The following ADGRA3 variants were observed in gnomAD, a reference collection of about 807,000 sequenced individuals.
ADGRA3 encodes the protein adhesion G protein-coupled receptor A3.
In ADGRA3, 56 loss-of-function variants were observed where a neutral mutation model predicts 119.8. The observed-to-expected ratio is 0.47, with a 90% confidence interval of 0.38 to 0.58. ADGRA3 has a LOEUF of 0.58. ADGRA3 is among the 20% of genes least tolerant of loss of function. The pLI, the probability that ADGRA3 is intolerant of heterozygous loss-of-function variation, is 0.00. For synonymous variants in ADGRA3, 607 were observed against 623.8 expected, an observed-to-expected ratio of 0.97 and a Z score of 0.40; for missense variants, 1,516 against 1,649.0, an observed-to-expected ratio of 0.92 and a Z score of 1.40.
In ADGRA3 at chr4:22,413,859, A is replaced by T. The variant is rs529276517; in HGVS notation, c.1810-45T>A. The T allele has an allele frequency of 3.3e-4, 430 of 1,304,986 alleles. 8 individuals are homozygous for T. In the South Asian group the frequency reaches 5.9e-3, roughly 18 times the overall value. The allele number at this position is 1,304,986 out of a possible 1,614,324, so 80.8% of individuals were successfully genotyped here. ...TAAAAAAAGCTCACTACATTAGTAC[A>T]TAGAAACCAGAAAAAAATATGTCAG... On this transcript the variant is annotated intron_variant, in intron 12 of 18. Coordinates refer to ENST00000334304, the MANE Select transcript of ADGRA3 (RefSeq NM_145290.4).
intron 1 of ADGRA3, among the ~76,000 whole-genome samples, chr4:22,484,639 C>T (rs77265768): frequency 0.023 from 3,370 of 148,224 alleles, 87 homozygotes; most frequent in Admixed American, 0.055. Context: ...CAGCTTTGTA[C>T]TAAAATGATA....
Position 22,461,730 on chromosome 4 carries a change from CACTT to C in ADGRA3, c.401+3_401+6del. 1.3e-6 allele frequency: 2 copies of C among 1,586,158 alleles called. No individual in the cohort carries two copies. Among genetic ancestry groups the C allele is most frequent in the Non-Finnish European group, 8.6e-7 (1 of 1,159,496 alleles). ...CAAACTCGTAAGCAAGCAATTCAAA[CACTT>C]ACAATCTTTTTAGAGATGACAGTCC... On this transcript the variant is annotated splice_donor_5th_base_variant and intron_variant, in intron 3 of 18. Transcript: ENST00000334304.
At chr4:22,459,830 T>C (rs1453424923) in intron 3 of ADGRA3, among the ~76,000 whole-genome samples, 1 of 152,202 alleles carries the variant, frequency 6.6e-6, no homozygotes, top group East Asian at 1.9e-4. Context: ...TCCTTATTGC[T>C]ATCAGGAATA....
chr4:22,514,296 G>A (rs894121599), intron 1 of ADGRA3, among the ~76,000 whole-genome samples: 1 of 152,048 alleles, frequency 6.6e-6, no homozygotes. Flanking sequence ...ACCACCACAT[G>A]GTAACGTGTT....
chr4:22,393,569 G>T (rs1347540788), intron 16 of ADGRA3: 3 of 152,130 alleles, frequency 2.0e-5, no homozygotes, highest in African/African-American at 7.2e-5. Flanking sequence ...CTTACCTGCT[G>T]GGTGATCTGA....
At chr4:22,418,563 G>A (rs1489051464) in intron 12 of ADGRA3, among the ~76,000 whole-genome samples, 3 of 152,074 alleles carry the variant, frequency 2.0e-5, no homozygotes, top group Non-Finnish European at 4.4e-5. Flanking sequence ...GTTTGCTGTT[G>A]CTGGATAAAA....
intron 1 of ADGRA3, among the ~76,000 whole-genome samples, chr4:22,512,090 G>A (rs532465189): frequency 1.3e-5 from 2 of 151,582 alleles, no homozygotes; most frequent in Non-Finnish European, 2.9e-5. Context: ...TAGTAGAGAT[G>A]GGGTTTCATC....
At chr4:22,443,559 T>TA (rs1343484805) in intron 6 of ADGRA3, among the ~76,000 whole-genome samples, 2 of 152,138 alleles carry the variant, frequency 1.3e-5, no homozygotes, top group Non-Finnish European at 2.9e-5. Flanking sequence ...GTCCTTCCAT[T>TA]ATTTATGAAG....
chr4:22,428,260 C>G lies in ADGRA3; in HGVS notation c.1444-3908G>C, dbSNP rs114842823. The stretch of plus-strand genomic sequence containing the variant: ...CAAGTTTAGATGTCCCTGAGCAAAT[C>G]AGCCTCTGTGAGACTCAGTTTACTC... On this transcript the variant is annotated intron_variant, in intron 10 of 18. Transcript: ENST00000334304. 3.9e-3 allele frequency among the ~76,000 whole-genome samples: 590 copies of G among 151,856 alleles called. 2 individuals carry two copies. The highest frequency in any genetic ancestry group is 0.014 in the African/African-American group (562 of 41,408).
intron 8 of ADGRA3, among the ~76,000 whole-genome samples, chr4:22,437,954 T>C (rs1339863774): frequency 6.6e-6 from 1 of 152,222 alleles, no homozygotes; most frequent in African/African-American, 2.4e-5. Flanking sequence ...TTGAATTTTG[T>C]ACTCTTTTAC....
chr4:22,473,358 A>G (rs59796925), intron 2 of ADGRA3: 4,914 of 156,308 alleles, frequency 0.031, 266 homozygotes, highest in African/African-American at 0.11. Context: ...ATTTCAACAC[A>G]GCATCAATGC....
At chr4:22,471,583 C>T (rs959057640) in intron 2 of ADGRA3, among the ~76,000 whole-genome samples, 1 of 152,190 alleles carries the variant, frequency 6.6e-6, no homozygotes, top group Non-Finnish European at 1.5e-5. Context: ...CACTGTCAGA[C>T]TGAGGCCAGG....
chr4:22,460,524 T>C (rs771907674), intron 3 of ADGRA3, among the ~76,000 whole-genome samples: 20 of 152,202 alleles, frequency 1.3e-4, no homozygotes, highest in Non-Finnish European at 1.9e-4. Context: ...CTGGACTTTA[T>C]CTACCATTAG....
intron 8 of ADGRA3, 118 bp from the exon 9 acceptor site, chr4:22,436,759 C>T (rs1716412821): frequency 2.5e-6 from 2 of 810,004 alleles, no homozygotes; most frequent in South Asian, 1.7e-5. Context: ...AACCCTGACA[C>T]GGGTCATCAA....
rs183684420 is a variant in ADGRA3 at position 22,458,262 on chromosome 4, G to A, written c.402-3325C>T. Among the ~76,000 whole-genome samples the A allele has an allele frequency of 1.4e-3, 211 of 152,268 alleles. 2 individuals are homozygous for A. The highest frequency in any genetic ancestry group is 1.5e-4 in the Non-Finnish European group (10 of 68,022). On this transcript the variant is annotated intron_variant, in intron 3 of 18. Coordinates refer to ENST00000334304, the MANE Select transcript of ADGRA3 (RefSeq NM_145290.4). ...ACTCCAGCACAGACAGAAGCACAAA[G>A]AAAGTGAGTCACTGCTATAAATCAT...
intron 10 of ADGRA3, among the ~76,000 whole-genome samples, chr4:22,432,667 C>A (rs1402177649): frequency 6.6e-6 from 1 of 152,144 alleles, no homozygotes; most frequent in East Asian, 1.9e-4. Flanking sequence ...AGAAAAATCA[C>A]TTTAGTAAAT....
At chr4:22,463,901 G>A (rs911745847) in intron 2 of ADGRA3, among the ~76,000 whole-genome samples, 5 of 152,138 alleles carry the variant, frequency 3.3e-5, no homozygotes, top group Non-Finnish European at 5.9e-5. Context: ...GATAGAGACT[G>A]GACTAGAAAT....
chr4:22,473,897 A>G, intron 1 of ADGRA3, 54 bp from the exon 2 acceptor site: 1 of 1,055,502 alleles, frequency 9.5e-7, no homozygotes, highest in South Asian at 1.5e-5. Flanking sequence ...CCAATATCAA[A>G]GTAATTTAGC....
rs1159227390 is a variant in ADGRA3, at chr4:22,413,744, C to T, written c.1880G>A (p.Arg627Lys). Residue 627 changes from arginine to lysine, a missense_variant, in exon 13 of 19, where the codon AGA (arginine) becomes AAA (lysine). Physicochemically the swap from Arg to Lys is conservative, Grantham distance 26 (BLOSUM62 2). Transcript: ENST00000334304. ...LFSPKQKREL[R>K]PTDDSLYKLQ... The stretch of plus-strand genomic sequence containing the variant: ...CTTGTAAAGAGAGTCATCAGTTGGT[C>T]TGAGTTCTCTTTTTTGCTTTGGTGA... 6.2e-7 allele frequency: 1 copy of T among 1,613,698 alleles called. No individual in the cohort carries two copies. The highest frequency in any genetic ancestry group is 1.3e-5 in the African/African-American group (1 of 74,864).
Sources: allele counts gnomAD v4.1 joint callset (sites outside exome capture counted in the v4.1 genomes callset), GRCh38; gene constraint gnomAD v4.1.1; transcripts MANE v1.5; gene names NCBI Gene and HGNC (gene_info 2026-07-23, HGNC 2026-07-21).